The following KCNH8 variants were observed in gnomAD, a reference collection of about 807,000 sequenced individuals.
KCNH8 encodes the protein voltage-gated delayed rectifier potassium channel KCNH8.
A neutral mutation model predicts 103.6 loss-of-function variants in KCNH8; 70 were observed. The ratio of observed to expected loss-of-function variants is 0.68; its 90% CI spans 0.56 to 0.82. The LOEUF (loss-of-function observed/expected upper bound fraction) is 0.82. Ranked by LOEUF, KCNH8 falls within the 40% of genes least tolerant of loss-of-function variation. The pLI, the probability that KCNH8 is intolerant of heterozygous loss-of-function variation, is 0.00. For missense variants in KCNH8, 1,217 were observed against 1,329.9 expected (o/e 0.92, Z 1.32); for synonymous variants, 498 against 489.4 (o/e 1.02, Z -0.23).
intron 11 of KCNH8, among the ~76,000 whole-genome samples, chr3:19,476,013 TC>T (rs2067966714): frequency 6.6e-6 from 1 of 152,186 alleles, no homozygotes; most frequent in Non-Finnish European, 1.5e-5. Flanking sequence ...GAGAATATCT[TC>T]CTCACCTGAA....
Position 19,180,210 on chromosome 3 carries a change from A to G in KCNH8, c.76+31415A>G, listed in dbSNP as rs113620087. On this transcript the variant is annotated intron_variant, in intron 1 of 15. Transcript: ENST00000328405. ...TTTACCTACTTTGAGAGTTTTGTGA[A>G]GGCGATCTGGCATGACCTACATTTG... Among the ~76,000 whole-genome samples, 446 of 150,616 alleles carry G rather than the reference A, an allele frequency of 3.0e-3. 5 individuals carry two copies. Among genetic ancestry groups the G allele is most frequent in the African/African-American group, 9.8e-3 (406 of 41,232 alleles).
intron 1 of KCNH8, among the ~76,000 whole-genome samples, chr3:19,174,063 C>A (rs1214609602): frequency 6.6e-6 from 1 of 151,228 alleles, no homozygotes; most frequent in East Asian, 1.9e-4. Flanking sequence ...TGGCCACTCC[C>A]ACTCTACACC....
At chr3:19,224,559 C>CTT (rs34526650) in intron 1 of KCNH8, among the ~76,000 whole-genome samples, 1,385 of 129,444 alleles carry the variant, frequency 0.011, 30 homozygotes, top group African/African-American at 0.035. Context: ...TTGTTTTGAA[C>CTT]TTTTTTTTTT....
intron 11 of KCNH8, among the ~76,000 whole-genome samples, chr3:19,482,222 G>A (rs6549913): frequency 0.76 from 115,534 of 152,146 alleles, 44,819 homozygotes; most frequent in African/African-American, 0.93. Flanking sequence ...TATAGATAAC[G>A]TAACCCATTA....
rs767659898 is a variant in KCNH8 at position 19,288,181 on chromosome 3, C to CTTTTTT, written c.442+6877_442+6882dup. On this transcript the variant is annotated intron_variant, in intron 3 of 15. Coordinates refer to ENST00000328405, the MANE Select transcript of KCNH8 (RefSeq NM_144633.3). ...CTTCTTGCACCGGTGTATCAAACTT[C>CTTTTTT]TTTTTTTTTTTTTTTTTTTTTTTTT... 3.1e-3 allele frequency among the ~76,000 whole-genome samples: 116 copies of CTTTTTT among 38,028 alleles called. 1 individual carries two copies. The highest frequency in any genetic ancestry group is 4.6e-3 in the East Asian group (4 of 878). The allele number at this position is 38,028 out of a possible 152,430, so 24.9% of individuals were successfully genotyped here.
At chr3:19,250,194 A>G (rs934738766) in intron 1 of KCNH8, among the ~76,000 whole-genome samples, 1 of 152,090 alleles carries the variant, frequency 6.6e-6, no homozygotes, top group Non-Finnish European at 1.5e-5. Context: ...GAGCCCAAGA[A>G]GTTGAGGCTG....
chr3:19,253,642 G>C lies in KCNH8; in HGVS notation c.77-12G>C. Reference sequence around the variant, plus strand: ...TCTAGTTGCTGAGTATCTTCTCCTTGTTTTTCTATAGATAGCAACTTCATC... The same window carrying C: ...TCTAGTTGCTGAGTATCTTCTCCTTCTTTTTCTATAGATAGCAACTTCATC... On this transcript the variant is annotated splice_polypyrimidine_tract_variant and intron_variant, in intron 1 of 15. Transcript: ENST00000328405. 12 of 1,589,544 alleles carry C rather than the reference G, an allele frequency of 7.5e-6. No homozygotes were observed. Among genetic ancestry groups the C allele is most frequent in the Non-Finnish European group, 1.0e-5 (12 of 1,158,474 alleles).
Position 19,338,004 on chromosome 3 carries a change from G to C in KCNH8, c.443-4583G>C, listed in dbSNP as rs576858803. Among the ~76,000 whole-genome samples, 559 of 151,924 alleles carry C rather than the reference G, an allele frequency of 3.7e-3. 4 individuals are homozygous for C. The highest frequency in any genetic ancestry group is 6.2e-3 in the Non-Finnish European group (422 of 67,876). ...CACACGCAGAGAGAGAGAGGCGGGGGGGGGAGAAAGAGGGAGTTATTCTTC... is the reference window on the plus strand; with the variant it reads ...CACACGCAGAGAGAGAGAGGCGGGGCGGGGAGAAAGAGGGAGTTATTCTTC... On this transcript the variant is annotated intron_variant, in intron 3 of 15. Transcript: ENST00000328405.
chr3:19,257,017 G>A (rs1036292002), intron 2 of KCNH8, among the ~76,000 whole-genome samples: 3 of 152,020 alleles, frequency 2.0e-5, no homozygotes, highest in African/African-American at 7.2e-5. Flanking sequence ...CTCAAACAGT[G>A]TTCATCAGAT....
chr3:19,378,116 C>A (rs998572940), intron 5 of KCNH8, among the ~76,000 whole-genome samples: 17 of 152,174 alleles, frequency 1.1e-4, no homozygotes, highest in African/African-American at 4.1e-4. Flanking sequence ...GTTCTACCAT[C>A]TTTAATGGGT....
intron 2 of KCNH8, among the ~76,000 whole-genome samples, chr3:19,265,112 G>C (rs1252971697): frequency 6.6e-6 from 1 of 152,076 alleles, no homozygotes; most frequent in Non-Finnish European, 1.5e-5. Flanking sequence ...GCTAGAATCA[G>C]AAAGTTTTGG....
intron 5 of KCNH8, among the ~76,000 whole-genome samples, chr3:19,373,872 T>G (rs1381586706): frequency 2.0e-5 from 3 of 152,224 alleles, no homozygotes; most frequent in African/African-American, 7.2e-5. Context: ...ATGTACCCAT[T>G]AGTCATTCAG....
chr3:19,529,037 G>C (rs2069114752), intron 15 of KCNH8, among the ~76,000 whole-genome samples: 1 of 152,096 alleles, frequency 6.6e-6, no homozygotes, highest in Non-Finnish European at 1.5e-5. Context: ...GAGGAGAAGA[G>C]CCCGCAGTCA....
intron 3 of KCNH8, among the ~76,000 whole-genome samples, chr3:19,291,184 CA>C (rs1379697555): frequency 6.6e-6 from 1 of 151,966 alleles, no homozygotes; most frequent in African/African-American, 2.4e-5. Flanking sequence ...TTGATCTTTT[CA>C]AAAAACCAGC....
intron 11 of KCNH8, among the ~76,000 whole-genome samples, chr3:19,497,544 A>G (rs912770254): frequency 1.3e-5 from 2 of 152,064 alleles, no homozygotes; most frequent in African/African-American, 4.8e-5. Context: ...ATGTAACTGT[A>G]TGGTTTTGAG....
intron 5 of KCNH8, among the ~76,000 whole-genome samples, chr3:19,378,635 A>T (rs553450863): frequency 2.6e-4 from 39 of 152,352 alleles, no homozygotes; most frequent in African/African-American, 8.9e-4. Context: ...TGACCACTGG[A>T]TATAAGTCAA....
intron 8 of KCNH8, among the ~76,000 whole-genome samples, chr3:19,445,798 T>C (rs2067354576): frequency 6.6e-6 from 1 of 151,998 alleles, no homozygotes. Context: ...CTTACAATTA[T>C]AAAACTTTTT....
At chr3:19,222,006 C>T (rs1003577461) in intron 1 of KCNH8, among the ~76,000 whole-genome samples, 5 of 152,156 alleles carry the variant, frequency 3.3e-5, no homozygotes, top group Admixed American at 2.6e-4. Context: ...TGCCACCACA[C>T]CAGGCTACTT....
intron 15 of KCNH8, among the ~76,000 whole-genome samples, chr3:19,525,692 C>CTT (rs2069052157): frequency 6.6e-6 from 1 of 151,896 alleles, no homozygotes. Context: ...TAATGCTAGA[C>CTT]TTGTAATTCT....
Sources: allele counts gnomAD v4.1 joint callset (sites outside exome capture counted in the v4.1 genomes callset), GRCh38; gene constraint gnomAD v4.1.1; transcripts MANE v1.5; gene names NCBI Gene and HGNC (gene_info 2026-07-23, HGNC 2026-07-21).